Variants in MSRA observed in about 807,000 individuals in gnomAD.
The protein encoded by MSRA is methionine sulfoxide reductase A.
MSRA carries 54 observed loss-of-function variants against 31.3 expected under a neutral mutation model. The observed-to-expected ratio is 1.73, with a 90% CI of 1.39 to 2.17. The LOEUF (loss-of-function observed/expected upper bound fraction) is 2.17, where lower values mean the gene tolerates loss of function less well. Among genes scored for constraint, MSRA ranks in the 30% most tolerant of loss-of-function variants. MSRA has a pLI of 0.00. For missense variants in MSRA, 507 were observed against 300.9 expected (o/e 1.69, Z -5.07); for synonymous variants, 169 against 116.5 (o/e 1.45, Z -2.90).
In MSRA at chr8:10,409,773, T is replaced by A. The variant is rs139014288; in HGVS notation, c.544-18375T>A. On this transcript the variant is annotated intron_variant, in intron 5 of 5. Transcript: ENST00000317173. ...TAATAGACTCAATCAAGATATTTCT[T>A]CATAGAAGCTGGGCACAGCGGCCCA... 3.3e-4 allele frequency among the ~76,000 whole-genome samples: 51 copies of A among 152,368 alleles called. 1 individual carries two copies. The East Asian group carries it at 8.3e-3, about 25-fold the overall frequency.
chr8:10,141,858 A>G (rs538477200), intron 1 of MSRA, among the ~76,000 whole-genome samples: 41 of 152,314 alleles, frequency 2.7e-4, no homozygotes, highest in African/African-American at 9.4e-4. Flanking sequence ...CCGTGGTTGC[A>G]CTGTGCCTAG....
At chr8:10,143,455 C>T (rs763832620) in intron 1 of MSRA, among the ~76,000 whole-genome samples, 18 of 152,280 alleles carry the variant, frequency 1.2e-4, no homozygotes, top group Non-Finnish European at 2.2e-4. Context: ...TTTAGTGTCG[C>T]AGCGATTGTT....
At chr8:10,149,718 T>C (rs910499159) in intron 1 of MSRA, among the ~76,000 whole-genome samples, 1 of 151,174 alleles carries the variant, frequency 6.6e-6, no homozygotes, top group Non-Finnish European at 1.5e-5. Context: ...AATAAATGCA[T>C]GTACATATAG....
At chr8:10,142,479 G>A (rs1281934055) in intron 1 of MSRA, among the ~76,000 whole-genome samples, 5 of 152,198 alleles carry the variant, frequency 3.3e-5, no homozygotes, top group African/African-American at 1.2e-4. Flanking sequence ...TAAGTGGAAA[G>A]CCATGGATCA....
intron 1 of MSRA, among the ~76,000 whole-genome samples, chr8:10,079,772 T>C (rs945567804): frequency 6.6e-6 from 1 of 152,206 alleles, no homozygotes; most frequent in African/African-American, 2.4e-5. Flanking sequence ...TCTTCTCTTA[T>C]CAGAGCCAAG....
intron 4 of MSRA, among the ~76,000 whole-genome samples, chr8:10,319,413 G>C (rs954341633): frequency 1.3e-5 from 2 of 152,168 alleles, no homozygotes; most frequent in African/African-American, 4.8e-5. Context: ...CATAGGTGCA[G>C]GACTCCTGCT....
chr8:10,188,255 C>A (rs1021028739), intron 1 of MSRA, among the ~76,000 whole-genome samples: 5 of 152,102 alleles, frequency 3.3e-5, no homozygotes, highest in African/African-American at 1.2e-4. Context: ...ATTGTGTGCA[C>A]TTTTTTTGGT....
chr8:10,216,737 T>G (rs4840466), intron 2 of MSRA, among the ~76,000 whole-genome samples: 11 of 152,246 alleles, frequency 7.2e-5, no homozygotes, highest in Non-Finnish European at 1.0e-4. Flanking sequence ...CCATGTTGTA[T>G]TGTGTATGAA....
chr8:10,079,610 C>T (rs1404174772), intron 1 of MSRA, among the ~76,000 whole-genome samples: 4 of 152,172 alleles, frequency 2.6e-5, no homozygotes, highest in Non-Finnish European at 5.9e-5. Context: ...AGCTTTGGAT[C>T]TCTTTCCTTC....
chr8:10,325,755 A>C (rs1025059795), intron 5 of MSRA, among the ~76,000 whole-genome samples: 4 of 152,196 alleles, frequency 2.6e-5, no homozygotes, highest in South Asian at 2.1e-4. Context: ...CAAAATGGGG[A>C]AAATTGCCGA....
At chr8:10,157,386 C>A (rs1464739922) in intron 1 of MSRA, among the ~76,000 whole-genome samples, 2 of 152,106 alleles carry the variant, frequency 1.3e-5, no homozygotes. Flanking sequence ...CAAATATAAT[C>A]ATTGGTTGGT....
chr8:10,401,794 T>G (rs1162292401), intron 5 of MSRA, among the ~76,000 whole-genome samples: 6 of 152,098 alleles, frequency 3.9e-5, no homozygotes, highest in Admixed American at 3.9e-4. Context: ...CTAAATGAAA[T>G]AAGCCAGTTA....
At chr8:10,191,040 G>T (rs963731923) in intron 1 of MSRA, among the ~76,000 whole-genome samples, 2 of 152,176 alleles carry the variant, frequency 1.3e-5, no homozygotes, top group Non-Finnish European at 2.9e-5. Flanking sequence ...GACACTATAA[G>T]CATAGCGTCC....
At chr8:10,395,827 G>A (rs967752504) in intron 5 of MSRA, among the ~76,000 whole-genome samples, 2 of 152,108 alleles carry the variant, frequency 1.3e-5, no homozygotes, top group Admixed American at 1.3e-4. Flanking sequence ...GGTTTCAGAG[G>A]CACATATCTT....
chr8:10,123,856 G>C (rs1801301148), intron 1 of MSRA, among the ~76,000 whole-genome samples: 1 of 151,704 alleles, frequency 6.6e-6, no homozygotes, highest in Non-Finnish European at 1.5e-5. Flanking sequence ...ATTGGTCTAT[G>C]CTTTTTTTTT....
intron 5 of MSRA, among the ~76,000 whole-genome samples, chr8:10,377,211 C>T (rs1339673405): frequency 6.6e-6 from 1 of 152,264 alleles, no homozygotes; most frequent in African/African-American, 2.4e-5. Flanking sequence ...AGGGTGAAAA[C>T]CAGGCCAGTT....
At chr8:10,365,337 C>T (rs931916375) in intron 5 of MSRA, among the ~76,000 whole-genome samples, 16 of 152,062 alleles carry the variant, frequency 1.1e-4, no homozygotes, top group Admixed American at 6.6e-5. Context: ...TCCAACATAC[C>T]ATACCAGTTG....
chr8:10,352,742 G>A (rs1343055667), intron 5 of MSRA, among the ~76,000 whole-genome samples: 1 of 152,102 alleles, frequency 6.6e-6, no homozygotes, highest in East Asian at 1.9e-4. Context: ...AGGCCATCTG[G>A]TGCAGACACG....
At chr8:10,368,933 A>G (rs1585603673) in intron 5 of MSRA, among the ~76,000 whole-genome samples, 1 of 152,326 alleles carries the variant, frequency 6.6e-6, no homozygotes, top group South Asian at 2.1e-4. Flanking sequence ...CCAAGAGCTT[A>G]GCAAGAAAAT....
Sources: allele counts gnomAD v4.1 joint callset (sites outside exome capture counted in the v4.1 genomes callset), GRCh38; gene constraint gnomAD v4.1.1; transcripts MANE v1.5; gene names NCBI Gene and HGNC (gene_info 2026-07-23, HGNC 2026-07-21).